PARP1: variants seen among roughly 807,000 people sequenced by gnomAD.
PARP1 encodes the protein poly [ADP-ribose] polymerase 1.
Under a neutral mutation model 118.7 loss-of-function variants are expected in PARP1, and 44 were observed. The ratio of observed to expected loss-of-function variants is 0.37; its 90% confidence interval spans 0.29 to 0.48. The LOEUF (loss-of-function observed/expected upper bound fraction) is 0.48. PARP1 is among the 20% of genes least tolerant of loss of function. The pLI, the probability that PARP1 is intolerant of heterozygous loss-of-function variation, is 0.99. For synonymous variants in PARP1, 492 were observed against 483.2 expected (o/e 1.02, Z -0.24); for missense variants, 1,100 against 1,272.4 (o/e 0.86, Z 2.06).
chr1:226,378,693 G>A (rs1480004763), intron 12 of PARP1, among the ~76,000 whole-genome samples: 1 of 152,044 alleles, frequency 6.6e-6, no homozygotes, highest in Non-Finnish European at 1.5e-5. Context: ...TAAAAAATAA[G>A]GCATGGTGGT....
intron 13 of PARP1, 42 bp downstream of exon 13, chr1:226,377,066 C>T (rs1435857690): frequency 6.4e-7 from 1 of 1,555,332 alleles, no homozygotes; most frequent in East Asian, 2.2e-5. Context: ...GTGTCCCTTC[C>T]TTTTCCTAGA....
intron 2 of PARP1, among the ~76,000 whole-genome samples, chr1:226,396,156 G>C (rs1664913006): frequency 6.6e-6 from 1 of 152,092 alleles, no homozygotes; most frequent in African/African-American, 2.4e-5. Context: ...GACCAGCCTG[G>C]CCAACACAGT....
intron 2 of PARP1, among the ~76,000 whole-genome samples, chr1:226,400,914 C>T (rs1258118870): frequency 6.6e-6 from 1 of 152,252 alleles, no homozygotes; most frequent in African/African-American, 2.4e-5. Context: ...ATGACCAAGC[C>T]ATTGGCTGTT....
In PARP1 at chr1:226,404,654, T is replaced by A. The variant is rs571020171; in HGVS notation, c.121-2275A>T. 4.6e-5 allele frequency among the ~76,000 whole-genome samples: 7 copies of A among 152,310 alleles called. No homozygotes were observed. In the South Asian group the frequency reaches 1.4e-3, roughly 32 times the overall value. ...GCAGAAGCACCCCTGACCAAAGCAA[T>A]GCTTTGCCCTAAACTCAGGACTGAG... On this transcript the variant is annotated intron_variant, in intron 1 of 22. Coordinates refer to ENST00000366794, the MANE Select transcript of PARP1 (RefSeq NM_001618.4).
At chr1:226,379,504 G>A (rs1029808008) in intron 11 of PARP1, 69 bp downstream of exon 11, 1 of 1,316,386 alleles carries the variant, frequency 7.6e-7, no homozygotes. Flanking sequence ...GCATTTGGAT[G>A]TGTGCTCCTA....
intron 15 of PARP1, 112 bp from the exon 16 acceptor site, chr1:226,368,433 T>TATGTGTCCTGGC: frequency 7.5e-7 from 1 of 1,330,718 alleles, no homozygotes; most frequent in Non-Finnish European, 1.1e-6. Context: ...AGTAGCGTGG[T>TATGTGTCCTGGC]ATGTGCACAT....
At chr1:226,406,659 G>A (rs944368280) in intron 1 of PARP1, among the ~76,000 whole-genome samples, 6 of 152,190 alleles carry the variant, frequency 3.9e-5, no homozygotes, top group Admixed American at 3.9e-4. Context: ...GGTGGATTCT[G>A]TGTCCTTAAA....
chr1:226,379,522 G>A (rs1289790516), intron 11 of PARP1, 51 bp downstream of exon 11: 12 of 1,440,554 alleles, frequency 8.3e-6, no homozygotes, highest in African/African-American at 2.8e-5. Flanking sequence ...CTAGTCAGCT[G>A]GGGGTTGGGG....
At chr1:226,378,109 A>T (rs1219333738) in intron 12 of PARP1, among the ~76,000 whole-genome samples, 3 of 151,884 alleles carry the variant, frequency 2.0e-5, no homozygotes, top group East Asian at 3.9e-4. Flanking sequence ...TACGTTGAAA[A>T]TTTTTTCTGA....
intron 15 of PARP1, among the ~76,000 whole-genome samples, chr1:226,369,056 C>A (rs1177447503): frequency 6.6e-6 from 1 of 152,254 alleles, no homozygotes; most frequent in African/African-American, 2.4e-5. Context: ...CAACTTCCAT[C>A]TGTGCTGCCC....
intron 7 of PARP1, among the ~76,000 whole-genome samples, chr1:226,384,319 C>T (rs1664678147): frequency 6.6e-6 from 1 of 152,228 alleles, no homozygotes; most frequent in African/African-American, 2.4e-5. Flanking sequence ...TGCAGAAGGC[C>T]AGCAAAGCCG....
chr1:226,368,473 C>T, intron 15 of PARP1, 152 bp from the exon 16 acceptor site: 1 of 945,186 alleles, frequency 1.1e-6, no homozygotes, highest in Non-Finnish European at 1.6e-6. Flanking sequence ...GACCAGAAGA[C>T]CATCTTCCTG....
In PARP1 at chr1:226,385,580, G is replaced by A. The variant is rs773842722; in HGVS notation, c.935C>T (p.Thr312Ile). Residue 312 changes from threonine to isoleucine, a missense_variant, in exon 7 of 23, where the codon ACT becomes ATT. Transcript: ENST00000366794. ...LVFKSDAYYC[T>I]GDVTAWTKCM... is the part of the protein sequence containing the mutation. ...CTTGGTCCAGGCAGTGACGTCCCCA[G>A]TGCAGTAATAGGCATCGCTCTTGAA... The A allele has an allele frequency of 6.8e-6, 11 of 1,614,046 alleles. No individual in the cohort carries two copies. The Admixed American group carries it at 1.3e-4, about 20-fold the overall frequency.
intron 8 of PARP1, among the ~76,000 whole-genome samples, chr1:226,382,509 GCTGC>G (rs1210912188): frequency 6.6e-6 from 1 of 152,126 alleles, no homozygotes; most frequent in African/African-American, 2.4e-5. Context: ...CAGAGTAAGA[GCTGC>G]TTGTTCTTCT....
At chr1:226,404,961 G>A (rs1411168000) in intron 1 of PARP1, among the ~76,000 whole-genome samples, 1 of 152,088 alleles carries the variant, frequency 6.6e-6, no homozygotes, top group Admixed American at 6.5e-5. Context: ...CAACTCAAAG[G>A]TCTACCGCCA....
intron 2 of PARP1, among the ~76,000 whole-genome samples, chr1:226,400,730 G>A (rs909489090): frequency 6.6e-6 from 1 of 152,224 alleles, no homozygotes; most frequent in Non-Finnish European, 1.5e-5. Context: ...GCGTGACTGT[G>A]CAGAGGCCAG....
At position 226,361,302 on chromosome 1, in the gene PARP1, T is replaced by TA; in HGVS notation, c.*157dup. 1 of 694,412 alleles carries TA rather than the reference T, an allele frequency of 1.4e-6. No homozygotes were observed. The highest frequency in any genetic ancestry group is 2.7e-6 in the Non-Finnish European group (1 of 372,384). 43.0% of individuals were successfully genotyped at this position (694,412 alleles called of 1,614,324 possible). ...ACACAAAACAAGGGACTTGAGAAGT[T>TA]AGAGAAAACCTTTAACACGTTTCTG... is the stretch of plus-strand genomic sequence containing the variant. On this transcript the variant is annotated 3_prime_UTR_variant, in exon 23 of 23. Coordinates refer to ENST00000366794, the MANE Select transcript of PARP1 (RefSeq NM_001618.4).
At chr1:226,366,120 G>A (rs1664261694) in intron 17 of PARP1, 68 bp from the exon 18 acceptor site, 4 of 1,067,898 alleles carry the variant, frequency 3.7e-6, no homozygotes, top group Non-Finnish European at 2.9e-6. Flanking sequence ...GGAATGCTCA[G>A]GCTCAGTCAA....
intron 2 of PARP1, chr1:226,393,024 G>A (rs778756435): frequency 6.6e-7 from 1 of 1,506,126 alleles, no homozygotes; most frequent in Non-Finnish European, 8.8e-7. Flanking sequence ...CAAGGTGTAA[G>A]TTTGGAAAAT....
Sources: allele counts gnomAD v4.1 joint callset (sites outside exome capture counted in the v4.1 genomes callset), GRCh38; gene constraint gnomAD v4.1.1; transcripts MANE v1.5; gene names NCBI Gene and HGNC (gene_info 2026-07-23, HGNC 2026-07-21).